CTNNA2: variants seen among roughly 807,000 people sequenced by gnomAD.
CTNNA2 encodes the protein catenin alpha-2.
A neutral mutation model predicts 101.0 loss-of-function variants in CTNNA2; 42 were observed. The observed-to-expected ratio is 0.42, with a 90% CI of 0.32 to 0.54. The LOEUF (loss-of-function observed/expected upper bound fraction) is 0.54. Among genes scored for constraint, CTNNA2 ranks in the 20% least tolerant of loss-of-function variants. The pLI, the probability that CTNNA2 is intolerant of heterozygous loss-of-function variation, is 0.14. For synonymous variants in CTNNA2, 450 were observed against 456.4 expected (o/e 0.99, Z 0.18); for missense variants, 871 against 1,223.1 (o/e 0.71, Z 4.29).
intron 7 of CTNNA2, among the ~76,000 whole-genome samples, chr2:80,118,873 A>T (rs1441606063): frequency 6.6e-6 from 1 of 152,254 alleles, no homozygotes; most frequent in Non-Finnish European, 1.5e-5. Flanking sequence ...CTGGGAAGAC[A>T]TCTCTATTCT....
intron 7 of CTNNA2, among the ~76,000 whole-genome samples, chr2:80,312,444 G>A (rs1677680746): frequency 6.6e-6 from 1 of 152,354 alleles, no homozygotes; most frequent in South Asian, 2.1e-4. Flanking sequence ...TCAGGTCAAA[G>A]CAGGTGACCA....
At chr2:80,090,629 G>A (rs561292163) in intron 7 of CTNNA2, among the ~76,000 whole-genome samples, 8 of 152,046 alleles carry the variant, frequency 5.3e-5, no homozygotes, top group Non-Finnish European at 1.2e-4. Flanking sequence ...GCACTTGTGT[G>A]TGAATATGAG....
chr2:80,199,509 A>G (rs1291362772), intron 7 of CTNNA2, among the ~76,000 whole-genome samples: 1 of 152,234 alleles, frequency 6.6e-6, no homozygotes, highest in Non-Finnish European at 1.5e-5. Flanking sequence ...TAACCTGTTA[A>G]TAAGTCAGCT....
At chr2:79,607,756 A>T (rs1160232479) in intron 1 of CTNNA2, among the ~76,000 whole-genome samples, 22 of 152,134 alleles carry the variant, frequency 1.4e-4, no homozygotes, top group Admixed American at 1.4e-3. Flanking sequence ...CATTTCTGGG[A>T]TGCTTCTGAA....
intron 2 of CTNNA2, among the ~76,000 whole-genome samples, chr2:79,714,393 C>G (rs546947109): frequency 6.6e-6 from 1 of 151,662 alleles, no homozygotes; most frequent in Admixed American, 6.6e-5. Context: ...TGCAGTCATG[C>G]TATTTATTTT....
At chr2:79,956,843 G>GTTTTTTTTTTTTTTTTTTTTT (rs66471325) in intron 7 of CTNNA2, among the ~76,000 whole-genome samples, 1 of 98,936 alleles carries the variant, frequency 1.0e-5, no homozygotes, top group African/African-American at 4.7e-5. Flanking sequence ...ATACGTGTGG[G>GTTTTTTTTTTTTTTTTTTTTT]TTTTTTTTTT....
intron 1 of CTNNA2, among the ~76,000 whole-genome samples, chr2:79,549,475 C>T (rs1673953076): frequency 6.6e-6 from 1 of 152,144 alleles, no homozygotes; most frequent in African/African-American, 2.4e-5. Context: ...TTCAGTATGA[C>T]AAAAGACTAG....
chr2:80,325,107 A>T (rs1022184914), intron 7 of CTNNA2, among the ~76,000 whole-genome samples: 5 of 152,198 alleles, frequency 3.3e-5, no homozygotes, highest in Non-Finnish European at 5.9e-5. Flanking sequence ...CATTAAAAAT[A>T]TGTTCATTAA....
Position 80,339,474 on chromosome 2 carries a change from C to T in CTNNA2, c.1057-53737C>T, listed in dbSNP as rs141589747. 4.3e-3 allele frequency among the ~76,000 whole-genome samples: 658 copies of T among 152,290 alleles called. 5 individuals carry two copies. The highest frequency in any genetic ancestry group is 0.015 in the African/African-American group (636 of 41,556). On this transcript the variant is annotated intron_variant, in intron 7 of 18. Transcript: ENST00000402739. ...AAAAAAATAGAATACCATAACCCAA[C>T]TCTCCAAATACTTTCTATATAAGGT...
At chr2:79,697,005 G>T (rs1038325230) in intron 2 of CTNNA2, among the ~76,000 whole-genome samples, 3 of 151,878 alleles carry the variant, frequency 2.0e-5, no homozygotes, top group Non-Finnish European at 4.4e-5. Context: ...GGTCAGAAAT[G>T]GTCAAGTCAA....
chr2:79,614,870 A>G lies in CTNNA2; in HGVS notation c.-5-36682A>G, dbSNP rs564594579. Among the ~76,000 whole-genome samples the G allele has an allele frequency of 1.6e-4, 24 of 152,328 alleles. No homozygotes were observed. In the East Asian group the frequency reaches 2.7e-3, roughly 17 times the overall value. On this transcript the variant is annotated intron_variant, in intron 1 of 18. Transcript: ENST00000402739. ...CTTTACAACTGATAATTGATAATGT[A>G]TATGAATTTATGAGATTGTTTTCAA...
At chr2:79,593,710 T>TCACCTTTA (rs1677007503) in intron 1 of CTNNA2, among the ~76,000 whole-genome samples, 1 of 152,026 alleles carries the variant, frequency 6.6e-6, no homozygotes, top group Admixed American at 6.6e-5. Flanking sequence ...CTTCTGTGCC[T>TCACCTTTA]CACCTTTACA....
At chr2:79,930,413 C>A (rs1407099802) in intron 7 of CTNNA2, among the ~76,000 whole-genome samples, 3 of 152,142 alleles carry the variant, frequency 2.0e-5, no homozygotes, top group Non-Finnish European at 2.9e-5. Flanking sequence ...TTTGACATAA[C>A]CTTTGTAGAG....
intron 7 of CTNNA2, among the ~76,000 whole-genome samples, chr2:80,145,702 A>T (rs1284426887): frequency 6.6e-6 from 1 of 152,232 alleles, no homozygotes; most frequent in Non-Finnish European, 1.5e-5. Context: ...TTCCTAGCAG[A>T]TCAAAGTCTA....
intron 12 of CTNNA2, among the ~76,000 whole-genome samples, chr2:80,571,290 G>T (rs10179053): frequency 0.23 from 35,438 of 152,004 alleles, 4,868 homozygotes; most frequent in African/African-American, 0.39. Flanking sequence ...CAGTCATAAT[G>T]TCTGAGGGAC....
intron 7 of CTNNA2, among the ~76,000 whole-genome samples, chr2:80,117,613 C>G (rs1421928353): frequency 1.3e-5 from 2 of 152,052 alleles, no homozygotes; most frequent in African/African-American, 4.8e-5. Flanking sequence ...ATGCCCCAAC[C>G]CCCTGTGAAG....
At chr2:80,511,787 A>G (rs1406527564) in intron 9 of CTNNA2, among the ~76,000 whole-genome samples, 1 of 152,166 alleles carries the variant, frequency 6.6e-6, no homozygotes, top group East Asian at 1.9e-4. Context: ...TACCAACTAC[A>G]TATCTGTATC....
At chr2:80,556,601 C>T (rs1255721152) in intron 12 of CTNNA2, among the ~76,000 whole-genome samples, 1 of 152,130 alleles carries the variant, frequency 6.6e-6, no homozygotes, top group Non-Finnish European at 1.5e-5. Flanking sequence ...AAAATGCTTC[C>T]ACTGAATTAG....
rs1320635635 is a variant in CTNNA2, at chr2:79,540,840, T to A, written c.-6+27633T>A. On this transcript the variant is annotated intron_variant, in intron 1 of 18. Transcript: ENST00000402739. ...TTGTTTATTTCTGAGTACTTTGAAG[T>A]GTTGATAACTTTTCCTACTTACTGT... is the stretch of plus-strand genomic sequence containing the variant. Among the ~76,000 whole-genome samples, 5 of 152,250 alleles carry A rather than the reference T, an allele frequency of 3.3e-5. 1 individual carries two copies. The South Asian group carries it at 1.0e-3, about 32-fold the overall frequency.
Sources: allele counts gnomAD v4.1 joint callset (sites outside exome capture counted in the v4.1 genomes callset), GRCh38; gene constraint gnomAD v4.1.1; transcripts MANE v1.5; gene names NCBI Gene and HGNC (gene_info 2026-07-23, HGNC 2026-07-21).